The following PPP1R9A variants were observed in gnomAD, a reference collection of about 807,000 sequenced individuals.
PPP1R9A encodes protein phosphatase 1 regulatory subunit 9A, also known as neurabin-1.
In PPP1R9A, 59 loss-of-function variants were observed where a neutral mutation model predicts 141.9. That is an observed-to-expected ratio of 0.42 (90% CI 0.34 to 0.52). PPP1R9A has a LOEUF of 0.52. Among genes scored for constraint, PPP1R9A ranks in the 20% least tolerant of loss-of-function variants. The pLI, the probability that PPP1R9A is intolerant of heterozygous loss-of-function variation, is 0.10. For missense variants in PPP1R9A, 1,444 were observed against 1,611.9 expected, an observed-to-expected ratio of 0.90 and a Z score of 1.78; for synonymous variants, 500 against 569.7, an observed-to-expected ratio of 0.88 and a Z score of 1.74.
At chr7:95,208,978 A>AAAAAAC (rs1554562097) in intron 7 of PPP1R9A, among the ~76,000 whole-genome samples, 1 of 149,082 alleles carries the variant, frequency 6.7e-6, no homozygotes, top group African/African-American at 2.5e-5. Context: ...AAAAAAAAAA[A>AAAAAAC]CTCTGATAAA....
intron 2 of PPP1R9A, among the ~76,000 whole-genome samples, chr7:94,972,420 T>G (rs1798951265): frequency 1.3e-5 from 2 of 152,124 alleles, no homozygotes; most frequent in Non-Finnish European, 2.9e-5. Flanking sequence ...TTTTTTTTTT[T>G]TTTCCCTGCA....
chr7:95,191,169 G>A (rs188017474), intron 5 of PPP1R9A, among the ~76,000 whole-genome samples: 5 of 152,128 alleles, frequency 3.3e-5, no homozygotes, highest in South Asian at 2.1e-4. Flanking sequence ...TGAATCCCAC[G>A]TAATCTAGAT....
At chr7:95,206,293 G>C (rs57035191) in intron 7 of PPP1R9A, among the ~76,000 whole-genome samples, 7,667 of 152,154 alleles carry the variant, frequency 0.05, 492 homozygotes, top group East Asian at 0.35. Context: ...TGCCAGGCTT[G>C]ATAAAAGATG....
At chr7:95,026,958 C>T (rs750330145) in intron 2 of PPP1R9A, among the ~76,000 whole-genome samples, 4 of 152,096 alleles carry the variant, frequency 2.6e-5, no homozygotes, top group East Asian at 1.9e-4. Flanking sequence ...TGTCCCAGTT[C>T]GACTTCAGAC....
At chr7:95,028,819 G>A (rs910052346) in intron 2 of PPP1R9A, among the ~76,000 whole-genome samples, 1 of 152,154 alleles carries the variant, frequency 6.6e-6, no homozygotes, top group African/African-American at 2.4e-5. Context: ...TAGCAGGGCT[G>A]CATTGACATA....
intron 2 of PPP1R9A, among the ~76,000 whole-genome samples, chr7:95,048,079 A>G (rs1242043616): frequency 1.3e-5 from 2 of 152,198 alleles, no homozygotes; most frequent in African/African-American, 4.8e-5. Context: ...TTACTCATCT[A>G]ATTTTATGTA....
intron 2 of PPP1R9A, among the ~76,000 whole-genome samples, chr7:94,927,872 C>G (rs1793672918): frequency 6.6e-6 from 1 of 152,140 alleles, no homozygotes; most frequent in Admixed American, 6.5e-5. Flanking sequence ...GTTTAGTCCT[C>G]TTTGGATCAT....
chr7:95,113,652 G>A (rs1325458757), intron 3 of PPP1R9A, among the ~76,000 whole-genome samples: 4 of 152,174 alleles, frequency 2.6e-5, no homozygotes, highest in African/African-American at 4.8e-5. Context: ...AGGGTAAAAA[G>A]GATGGTGATC....
chr7:95,198,216 A>AT (rs1483322649), intron 5 of PPP1R9A, 133 bp from the exon 6 acceptor site: 2 of 753,832 alleles, frequency 2.7e-6, no homozygotes, highest in East Asian at 3.2e-5. Context: ...CAAGAAAACC[A>AT]TTTTGAAGTA....
intron 4 of PPP1R9A, among the ~76,000 whole-genome samples, chr7:95,123,739 C>T (rs994815950): frequency 6.6e-6 from 1 of 152,166 alleles, no homozygotes; most frequent in African/African-American, 2.4e-5. Flanking sequence ...ATTCCCTCTA[C>T]TTATCATCTG....
chr7:95,080,970 G>C (rs1018934543), intron 2 of PPP1R9A, among the ~76,000 whole-genome samples: 2 of 152,152 alleles, frequency 1.3e-5, no homozygotes, highest in Non-Finnish European at 1.5e-5. Context: ...ACATTATCAG[G>C]CAGGTCAATT....
At chr7:95,051,200 T>C (rs753630812) in intron 2 of PPP1R9A, among the ~76,000 whole-genome samples, 26 of 151,956 alleles carry the variant, frequency 1.7e-4, no homozygotes, top group Admixed American at 2.6e-4. Context: ...TTCTTTCGAA[T>C]AGGGATGTCC....
chr7:95,244,943 G>T (rs1290820240), intron 8 of PPP1R9A, among the ~76,000 whole-genome samples: 1 of 152,294 alleles, frequency 6.6e-6, no homozygotes, highest in East Asian at 1.9e-4. Flanking sequence ...AATGAAAGAG[G>T]TTAAGTAATT....
intron 4 of PPP1R9A, among the ~76,000 whole-genome samples, chr7:95,135,202 A>C (rs1449384081): frequency 6.6e-6 from 1 of 152,188 alleles, no homozygotes; most frequent in Non-Finnish European, 1.5e-5. Context: ...GTATGTGTAC[A>C]TGTGCGTATT....
chr7:94,911,477 G>A lies in PPP1R9A; in HGVS notation c.1364G>A (p.Arg455Lys). The A allele has an allele frequency of 6.2e-7, 1 of 1,612,588 alleles. No homozygotes were observed. Among genetic ancestry groups the A allele is most frequent in the Non-Finnish European group, 8.5e-7 (1 of 1,178,990 alleles). The part of the protein sequence containing the change: ...LPEEEEIPAN[R>K]KIKFSSAPIK... ...GAAGAAGAAGAAATCCCAGCAAATAGGAAAATTAAGTTTAGTAGTGCTCCT... is the reference window on the plus strand; with the variant it reads ...GAAGAAGAAGAAATCCCAGCAAATAAGAAAATTAAGTTTAGTAGTGCTCCT... The change falls in exon 2 of 20, where the codon AGG becomes AAG. Residue 455 changes from arginine to lysine, a missense_variant. This residue lies in a region of PPP1R9A where 4 missense variants were observed against 18.5 expected (regional missense o/e 0.22). Transcript: ENST00000433360.
At chr7:95,274,224 C>A in intron 16 of PPP1R9A, 56 bp downstream of exon 16, 1 of 1,426,470 alleles carries the variant, frequency 7.0e-7, no homozygotes, top group Non-Finnish European at 9.5e-7. Flanking sequence ...TTCTGGCCCC[C>A]TCTTCTATTG....
chr7:94,972,750 A>C (rs998767802), intron 2 of PPP1R9A, among the ~76,000 whole-genome samples: 2 of 152,220 alleles, frequency 1.3e-5, no homozygotes, highest in Non-Finnish European at 2.9e-5. Context: ...ATCTGAAGAC[A>C]GGTTGAGAGC....
chr7:95,063,823 A>C (rs1456350377), intron 2 of PPP1R9A, among the ~76,000 whole-genome samples: 1 of 152,194 alleles, frequency 6.6e-6, no homozygotes, highest in East Asian at 1.9e-4. Context: ...ACGTATTCAT[A>C]ATGAAATACA....
intron 1 of PPP1R9A, among the ~76,000 whole-genome samples, chr7:94,909,485 G>A (rs1791210486): frequency 6.6e-6 from 1 of 152,158 alleles, no homozygotes; most frequent in Admixed American, 6.5e-5. Flanking sequence ...CTACCTAATT[G>A]TGGAGAATCC....
Sources: gnomAD v4.1 joint callset for allele counts (sites outside exome capture counted in the v4.1 genomes callset) on GRCh38, gnomAD v4.1.1 for gene constraint, gnomAD v4.1.1 regional missense constraint, MANE v1.5 for transcripts, NCBI Gene and HGNC (gene_info 2026-07-23, HGNC 2026-07-21) for gene names.